NOTCH2NLC: variants seen among roughly 807,000 people sequenced by gnomAD.
The protein encoded by NOTCH2NLC is notch homolog 2 N-terminal-like protein C.
A neutral mutation model predicts 17.7 loss-of-function variants in NOTCH2NLC; 4 were observed. The observed-to-expected ratio is 0.23, with a 90% confidence interval of 0.11 to 0.52. The LOEUF is 0.52. NOTCH2NLC is among the 20% of genes least tolerant of loss of function. The pLI is 0.96. For synonymous variants in NOTCH2NLC, 18 were observed against 86.0 expected, an observed-to-expected ratio of 0.21 and a Z score of 4.38; for missense variants, 57 against 207.2, an observed-to-expected ratio of 0.28 and a Z score of 4.45.
At position 149,402,474 on chromosome 1, in the gene NOTCH2NLC, C is replaced by T. The variant is rs1295896403; in HGVS notation, c.135+11552C>T. On this transcript the variant is annotated intron_variant, in intron 1 of 4. Coordinates refer to ENST00000650865, the MANE Select transcript of NOTCH2NLC (RefSeq NM_001364013.2). ...TCTGCTAGGGGCTTTGCAAATATTG[C>T]TTTATTTAATTCATATGGCTATCCT... 7.2e-5 allele frequency among the ~76,000 whole-genome samples: 8 copies of T among 111,024 alleles called. No homozygotes were observed. In the East Asian group the frequency reaches 1.9e-3, roughly 27 times the overall value. 72.8% of individuals were successfully genotyped at this position (111,024 alleles called of 152,430 possible).
intron 1 of NOTCH2NLC, among the ~76,000 whole-genome samples, chr1:149,414,113 C>T (rs1421234955): frequency 6.9e-6 from 1 of 145,112 alleles, no homozygotes; most frequent in East Asian, 2.1e-4. Flanking sequence ...AGAAGAATGA[C>T]ATGTGCAGGG....
At chr1:149,420,028 A>G (rs2084370547) in intron 1 of NOTCH2NLC, among the ~76,000 whole-genome samples, 2 of 145,056 alleles carry the variant, frequency 1.4e-5, no homozygotes, top group African/African-American at 5.0e-5. Context: ...CACCATGCCC[A>G]GCTAATTTTT....
intron 1 of NOTCH2NLC, among the ~76,000 whole-genome samples, chr1:149,412,825 A>AG (rs1270641276): frequency 1.4e-5 from 2 of 146,798 alleles, no homozygotes; most frequent in Non-Finnish European, 3.0e-5. Context: ...AAAAAAAAAA[A>AG]AAAAAACCAA....
chr1:149,402,281 A>C (rs1471353580), intron 1 of NOTCH2NLC, among the ~76,000 whole-genome samples: 1 of 150,608 alleles, frequency 6.6e-6, no homozygotes, highest in East Asian at 2.0e-4. Context: ...GGGTTTCTCT[A>C]TGTTGGGCAG....
intron 1 of NOTCH2NLC, among the ~76,000 whole-genome samples, chr1:149,422,969 GA>G (rs1200895641): frequency 6.9e-5 from 10 of 144,212 alleles, no homozygotes; most frequent in African/African-American, 2.3e-4. Context: ...TAACTGGAAT[GA>G]TTTTTTTATA....
chr1:149,413,786 C>T (rs1570904015), intron 1 of NOTCH2NLC, among the ~76,000 whole-genome samples: 1 of 151,014 alleles, frequency 6.6e-6, no homozygotes, highest in Non-Finnish European at 1.5e-5. Context: ...GTTACTTTTT[C>T]CTTAATATTA....
chr1:149,415,037 T>C lies in NOTCH2NLC; in HGVS notation c.136-15905T>C, dbSNP rs1299190518. On this transcript the variant is annotated intron_variant, in intron 1 of 4. Transcript: ENST00000650865. The stretch of plus-strand genomic sequence containing the variant: ...TTGTCTGGGTTGGTATAAGTAAAAA[T>C]CCTTGTTTGAAGTTATTAAGCCTTC... 5.7e-4 allele frequency among the ~76,000 whole-genome samples: 62 copies of C among 109,552 alleles called. 2 individuals are homozygous for C. Among genetic ancestry groups the C allele is most frequent in the Non-Finnish European group, 8.7e-4 (47 of 53,768 alleles). The allele number at this position is 109,552 out of a possible 152,430, so 71.9% of individuals were successfully genotyped here. A position where few individuals can be genotyped will look rare whatever the true frequency, so the allele number is the denominator to read the frequency against.
chr1:149,398,260 A>G (rs1161571535), intron 1 of NOTCH2NLC, among the ~76,000 whole-genome samples: 2 of 149,812 alleles, frequency 1.3e-5, no homozygotes, highest in Non-Finnish European at 3.0e-5. Flanking sequence ...AAAGACAAAA[A>G]CCCCTTTGTC....
At chr1:149,393,343 G>GT (rs2084186142) in intron 1 of NOTCH2NLC, among the ~76,000 whole-genome samples, 1 of 151,242 alleles carries the variant, frequency 6.6e-6, no homozygotes, top group Non-Finnish European at 1.5e-5. Flanking sequence ...TTAGAAGCCT[G>GT]TTTCTTGGTA....
In NOTCH2NLC at chr1:149,463,643, G is replaced by A; in HGVS notation, c.622G>A (p.Gly208Arg). ...TGATGTCAATGAGTGTGACATTCCA[G>A]GACACTGCCAGCATGGTGGCACCTG... ...ETDVNECDIP[G>R]HCQHGGTCLN... The change falls in exon 4 of 5, where the codon GGA becomes AGA. Residue 208 changes from glycine (G) to arginine (R), a missense_variant. Coordinates refer to ENST00000650865, the MANE Select transcript of NOTCH2NLC (RefSeq NM_001364013.2). 1 of 488,420 alleles carries A rather than the reference G, an allele frequency of 2.0e-6. No individual in the cohort carries two copies. Among genetic ancestry groups the A allele is most frequent in the Non-Finnish European group, 3.5e-6 (1 of 284,458 alleles). 30.3% of individuals were successfully genotyped at this position (488,420 alleles called of 1,614,324 possible).
At chr1:149,428,126 TATAGTC>T (rs1335524807) in intron 1 of NOTCH2NLC, among the ~76,000 whole-genome samples, 1 of 133,546 alleles carries the variant, frequency 7.5e-6, no homozygotes, top group Non-Finnish European at 1.6e-5. Flanking sequence ...CAAGCGTTCA[TATAGTC>T]ATAGTCAGTG....
At position 149,468,816 on chromosome 1, in the gene NOTCH2NLC, G is replaced by C. The variant is rs1344459003; in HGVS notation, c.*4663G>C. Among the ~76,000 whole-genome samples, 2 of 140,920 alleles carry C rather than the reference G, an allele frequency of 1.4e-5. No individual in the cohort carries two copies. The highest frequency in any genetic ancestry group is 5.1e-4 in the South Asian group (2 of 3,954). 92.4% of individuals were successfully genotyped at this position (140,920 alleles called of 152,430 possible). A position where few individuals can be genotyped will look rare whatever the true frequency, so the allele number is the denominator to read the frequency against. On this transcript the variant is annotated 3_prime_UTR_variant, in exon 5 of 5. Coordinates refer to ENST00000650865, the MANE Select transcript of NOTCH2NLC (RefSeq NM_001364013.2). ...GGGCGGGTGATGGAGTGGGAGATAC[G>C]TGGCACAGGGGTCAGTGAGTTAATC...
chr1:149,471,117 A>G lies in NOTCH2NLC; in HGVS notation c.*6964A>G, dbSNP rs1463095290. Among the ~76,000 whole-genome samples the G allele has an allele frequency of 2.7e-5, 4 of 148,452 alleles. No homozygotes were observed. The highest frequency in any genetic ancestry group is 6.7e-5 in the Admixed American group (1 of 14,900). On this transcript the variant is annotated 3_prime_UTR_variant, in exon 5 of 5. Coordinates refer to ENST00000650865, the MANE Select transcript of NOTCH2NLC (RefSeq NM_001364013.2). The stretch of plus-strand genomic sequence containing the variant: ...TTCATATACTTATTAGTCATTATGT[A>G]TCTTCTTTGGAGAATGTCTGTTCAG...
chr1:149,417,069 T>G (rs2084339608), intron 1 of NOTCH2NLC, among the ~76,000 whole-genome samples: 1 of 146,340 alleles, frequency 6.8e-6, no homozygotes, highest in South Asian at 2.2e-4. Context: ...TATGGAAGTT[T>G]GCAGATTATG....
Position 149,429,246 on chromosome 1 carries a change from T to C in NOTCH2NLC, c.136-1696T>C, listed in dbSNP as rs1288578347. ...GCCCAGCACTGCCACCAGCTAGTGGTGCGATGCCCCATAAAGAGGCCACTT... is the reference window on the plus strand; with the variant it reads ...GCCCAGCACTGCCACCAGCTAGTGGCGCGATGCCCCATAAAGAGGCCACTT... On this transcript the variant is annotated intron_variant, in intron 1 of 4. Transcript: ENST00000650865. Among the ~76,000 whole-genome samples the C allele has an allele frequency of 2.0e-3, 292 of 149,198 alleles. 1 individual carries two copies. The highest frequency in any genetic ancestry group is 7.0e-3 in the African/African-American group (277 of 39,700).
At position 149,429,748 on chromosome 1, in the gene NOTCH2NLC, C is replaced by T. The variant is rs1286853172; in HGVS notation, c.136-1194C>T. Among the ~76,000 whole-genome samples, 918 of 151,240 alleles carry T rather than the reference C, an allele frequency of 6.1e-3. 27 individuals are homozygous for T. Among genetic ancestry groups the T allele is most frequent in the African/African-American group, 0.021 (867 of 41,276 alleles). On this transcript the variant is annotated intron_variant, in intron 1 of 4. Coordinates refer to ENST00000650865, the MANE Select transcript of NOTCH2NLC (RefSeq NM_001364013.2). ...CAGCTTGCACCTGGGCTACTGGTTTCGTGGCCAGGGATGGCCAGGCCTAGC... is the reference window on the plus strand; with the variant it reads ...CAGCTTGCACCTGGGCTACTGGTTTTGTGGCCAGGGATGGCCAGGCCTAGC...
chr1:149,449,743 A>G lies in NOTCH2NLC; in HGVS notation c.210-5575A>G, dbSNP rs1382002052. Among the ~76,000 whole-genome samples, 20 of 151,484 alleles carry G rather than the reference A, an allele frequency of 1.3e-4. No individual in the cohort carries two copies. In the South Asian group the frequency reaches 4.0e-3, roughly 30 times the overall value. ...CACCACCATTATCTAATTTCAAAACATTTTTATCACCCTGAAAGAAATTCT... is the reference window on the plus strand; with the variant it reads ...CACCACCATTATCTAATTTCAAAACGTTTTTATCACCCTGAAAGAAATTCT... On this transcript the variant is annotated intron_variant, in intron 2 of 4. Transcript: ENST00000650865.
Position 149,390,803 on chromosome 1 carries a change from G to GGCGGCGGCGGCGGCGGCGGCGGCA in NOTCH2NLC, c.39_40insAGCGGCGGCGGCGGCGGCGGCGGC (p.Gly13_Gly14insSerGlyGlyGlyGlyGlyGlyGly), listed in dbSNP as rs2084157964. 1 of 1,036,394 alleles carries GGCGGCGGCGGCGGCGGCGGCGGCA rather than the reference G, an allele frequency of 9.6e-7. No individual in the cohort carries two copies. The allele number at this position is 1,036,394 out of a possible 1,614,324, so 64.2% of individuals were successfully genotyped here. A position where few individuals can be genotyped will look rare whatever the true frequency, so the allele number is the denominator to read the frequency against. ...CCCCCTCCCCATGTGGATCTGCCCA[G>GGCGGCGGCGGCGGCGGCGGCGGCA]GCGGCGGCGGCGGCGGCGGCGGCGG... is the stretch of plus-strand genomic sequence containing the variant. On this transcript the variant is annotated inframe_insertion, in exon 1 of 5. Transcript: ENST00000650865.
rs1254381969 is a variant in NOTCH2NLC at position 149,440,120 on chromosome 1, G to A, written c.209+9105G>A. On this transcript the variant is annotated intron_variant, in intron 2 of 4. Transcript: ENST00000650865. The stretch of plus-strand genomic sequence containing the variant: ...ATCTGATTAGGATTTATGTAGAATG[G>A]TAGCATTTAGCGTATTAAATCTGTA... Among the ~76,000 whole-genome samples, 2 of 150,444 alleles carry A rather than the reference G, an allele frequency of 1.3e-5. 1 individual carries two copies. The highest frequency in any genetic ancestry group is 3.0e-5 in the Non-Finnish European group (2 of 67,394).
Sources: allele counts gnomAD v4.1 joint callset (sites outside exome capture counted in the v4.1 genomes callset), GRCh38; gene constraint gnomAD v4.1.1; transcripts MANE v1.5; gene names NCBI Gene and HGNC (gene_info 2026-07-23, HGNC 2026-07-21).